Variants in RFC3 observed in about 807,000 individuals in gnomAD.
The protein encoded by RFC3 is replication factor C subunit 3, also known as A1 38 kDa subunit.
Under a neutral mutation model 45.1 loss-of-function variants are expected in RFC3, and 41 were observed. The ratio of observed to expected loss-of-function variants is 0.91; its 90% CI spans 0.71 to 1.18. The LOEUF (loss-of-function observed/expected upper bound fraction) is 1.18. RFC3 is among the 50% of genes most tolerant of loss of function. The probability of loss-of-function intolerance (pLI) is 0.00; values close to 1 mark genes in which losing one functional copy is unlikely to be tolerated. For missense variants in RFC3, 423 were observed against 428.1 expected, an observed-to-expected ratio of 0.99 and a Z score of 0.10; for synonymous variants, 149 against 144.0, an observed-to-expected ratio of 1.03 and a Z score of -0.25.
intron 8 of RFC3, among the ~76,000 whole-genome samples, chr13:33,927,293 T>G (rs933685868): frequency 1.3e-5 from 2 of 151,922 alleles, no homozygotes; most frequent in African/African-American, 2.4e-5. Flanking sequence ...TGGCCTCTCA[T>G]AAGTCCTAAG....
chr13:33,874,746 C>T (rs1331459247), intron 8 of RFC3, among the ~76,000 whole-genome samples: 2 of 152,216 alleles, frequency 1.3e-5, no homozygotes, highest in Non-Finnish European at 2.9e-5. Flanking sequence ...TGGAAAATGA[C>T]CCTCCAGATG....
At chr13:33,958,015 A>C (rs964958790) in intron 8 of RFC3, among the ~76,000 whole-genome samples, 2 of 152,234 alleles carry the variant, frequency 1.3e-5, no homozygotes, top group Non-Finnish European at 2.9e-5. Flanking sequence ...AGTTTTAAAA[A>C]AATCATACTA....
At chr13:33,939,245 C>T (rs184658861) in intron 8 of RFC3, among the ~76,000 whole-genome samples, 31 of 152,198 alleles carry the variant, frequency 2.0e-4, no homozygotes, top group Admixed American at 2.0e-3. Flanking sequence ...TTATCCATCC[C>T]ACCTGAGTCT....
chr13:33,900,000 C>G (rs1216608035), intron 8 of RFC3, among the ~76,000 whole-genome samples: 1 of 151,750 alleles, frequency 6.6e-6, no homozygotes, highest in Non-Finnish European at 1.5e-5. Context: ...ACAAGAAAAC[C>G]TGTAAAACAG....
Position 33,966,052 on chromosome 13 carries a change from T to A in RFC3, c.880-35T>A, listed in dbSNP as rs774725857. 3.9e-6 allele frequency: 6 copies of A among 1,523,764 alleles called. No homozygotes were observed. The South Asian group carries it at 6.7e-5, about 17-fold the overall frequency. 94.4% of individuals were successfully genotyped at this position (1,523,764 alleles called of 1,614,324 possible). A position where few individuals can be genotyped will look rare whatever the true frequency, so the allele number is the denominator to read the frequency against. Reference sequence around the variant, plus strand: ...ATCTCATTCATAGTAGGGTCTGTGATAAACAATTGATTGGATAGTGAATAT... The same window carrying A: ...ATCTCATTCATAGTAGGGTCTGTGAAAAACAATTGATTGGATAGTGAATAT... On this transcript the variant is annotated intron_variant, in intron 8 of 8. Coordinates refer to the RFC3 transcript ENST00000434425.
intron 8 of RFC3, among the ~76,000 whole-genome samples, chr13:33,889,752 C>T (rs1208467146): frequency 6.6e-6 from 1 of 152,218 alleles, no homozygotes; most frequent in Non-Finnish European, 1.5e-5. Context: ...CACTATTCTA[C>T]TCTCTACTGC....
At chr13:33,898,703 C>T (rs1326650708) in intron 8 of RFC3, among the ~76,000 whole-genome samples, 1 of 151,254 alleles carries the variant, frequency 6.6e-6, no homozygotes, top group Non-Finnish European at 1.5e-5. Context: ...AACAAAAAAT[C>T]AACAAAACAA....
chr13:33,924,801 T>G (rs905032458), intron 8 of RFC3, among the ~76,000 whole-genome samples: 1 of 149,878 alleles, frequency 6.7e-6, no homozygotes, highest in Non-Finnish European at 1.5e-5. Context: ...GTACAAACTT[T>G]TATTTATAAG....
intron 8 of RFC3, among the ~76,000 whole-genome samples, chr13:33,959,269 G>A (rs575309977): frequency 5.3e-5 from 8 of 152,206 alleles, no homozygotes; most frequent in Admixed American, 2.0e-4. Context: ...TTACAAACTC[G>A]ATAACTTCTC....
At chr13:33,901,857 AAAAC>A (rs1232219435) in intron 8 of RFC3, among the ~76,000 whole-genome samples, 2 of 152,220 alleles carry the variant, frequency 1.3e-5, no homozygotes, top group Admixed American at 6.6e-5. Flanking sequence ...AAGAAACAAA[AAAAC>A]AAAATCTCAT....
At chr13:33,926,086 T>C (rs927139630) in intron 8 of RFC3, among the ~76,000 whole-genome samples, 1 of 151,624 alleles carries the variant, frequency 6.6e-6, no homozygotes, top group African/African-American at 2.4e-5. Context: ...GAAATCATCA[T>C]TCTCAGTAAA....
chr13:33,906,898 G>A (rs879673783), intron 8 of RFC3, among the ~76,000 whole-genome samples: 1 of 151,962 alleles, frequency 6.6e-6, no homozygotes, highest in Non-Finnish European at 1.5e-5. Context: ...AAGTAATCAT[G>A]GTTCATTGCA....
At chr13:33,961,878 G>A (rs1381232647) in intron 8 of RFC3, among the ~76,000 whole-genome samples, 2 of 147,812 alleles carry the variant, frequency 1.4e-5, no homozygotes, top group Non-Finnish European at 2.9e-5. Flanking sequence ...TGACAGTAAA[G>A]ATTGATGACC....
chr13:33,974,078 G>A, the RFC3 span, among the ~76,000 whole-genome samples: 1 of 152,142 alleles, frequency 6.6e-6, no homozygotes, highest in Non-Finnish European at 1.5e-5. Context: ...TGGCTAATAA[G>A]AGTGCAGAGG....
At chr13:33,895,684 T>A (rs1427881979) in intron 8 of RFC3, among the ~76,000 whole-genome samples, 1 of 152,350 alleles carries the variant, frequency 6.6e-6, no homozygotes, top group African/African-American at 2.4e-5. Flanking sequence ...AAAGTCGTTA[T>A]ATCATAAAGA....
chr13:33,920,309 C>T (rs537227022), intron 8 of RFC3, among the ~76,000 whole-genome samples: 2 of 151,424 alleles, frequency 1.3e-5, no homozygotes, highest in Non-Finnish European at 2.9e-5. Flanking sequence ...TCTTCCAAAA[C>T]AAATATCCTG....
Position 33,873,452 on chromosome 13 carries a change from T to G in RFC3, c.879+38235T>G, listed in dbSNP as rs569610546. 7.9e-4 allele frequency among the ~76,000 whole-genome samples: 120 copies of G among 152,312 alleles called. 1 individual carries two copies. Among genetic ancestry groups the G allele is most frequent in the African/African-American group, 2.8e-3 (116 of 41,578 alleles). ...CTGTTTTGACTTCACTGTGGCTTAT[T>G]ATTATACCAGAAATTTCTGTTGGGC... On this transcript the variant is annotated intron_variant, in intron 8 of 8. Transcript: ENST00000434425.
intron 8 of RFC3, among the ~76,000 whole-genome samples, chr13:33,917,162 G>T (rs576410727): frequency 4.6e-5 from 7 of 152,130 alleles, no homozygotes; most frequent in Non-Finnish European, 8.8e-5. Context: ...GCCTTGAGTC[G>T]TAAGACACTA....
At chr13:33,855,962 CTTTAG>C (rs1378573130) in intron 8 of RFC3, among the ~76,000 whole-genome samples, 12 of 152,136 alleles carry the variant, frequency 7.9e-5, no homozygotes, top group African/African-American at 2.9e-4. Flanking sequence ...TGCAGAAGCT[CTTTAG>C]TTTAATTAGA....
Sources: gnomAD v4.1 joint callset for allele counts (sites outside exome capture counted in the v4.1 genomes callset) on GRCh38, gnomAD v4.1.1 for gene constraint, MANE v1.5 for transcripts, NCBI Gene and HGNC (gene_info 2026-07-23, HGNC 2026-07-21) for gene names.